The following RNF150 variants were observed in gnomAD, a reference collection of about 807,000 sequenced individuals.
RNF150 encodes ring finger protein 150.
In RNF150, 24 loss-of-function variants were observed where a neutral mutation model predicts 39.3. The observed-to-expected ratio is 0.61, with a 90% confidence interval of 0.44 to 0.86. The LOEUF (loss-of-function observed/expected upper bound fraction) is 0.86. Among genes scored for constraint, RNF150 ranks in the 40% least tolerant of loss-of-function variants. RNF150 has a pLI of 0.00. For missense variants in RNF150, 502 were observed against 587.8 expected (o/e 0.85, Z 1.51); for synonymous variants, 255 against 227.3 (o/e 1.12, Z -1.10).
intron 6 of RNF150, among the ~76,000 whole-genome samples, chr4:140,877,315 G>GC: frequency 6.6e-6 from 1 of 151,596 alleles, no homozygotes; most frequent in East Asian, 1.9e-4. Context: ...GTTGTCAACA[G>GC]TTTTTTTTTA....
intron 1 of RNF150, among the ~76,000 whole-genome samples, chr4:141,122,478 T>G (rs992164039): frequency 6.6e-6 from 1 of 152,226 alleles, no homozygotes; most frequent in African/African-American, 2.4e-5. Context: ...ATCTGAAGAC[T>G]TCATCATACG....
chr4:140,935,251 C>A (rs1218115354), intron 4 of RNF150, among the ~76,000 whole-genome samples: 1 of 151,430 alleles, frequency 6.6e-6, no homozygotes, highest in African/African-American at 2.4e-5. Context: ...TTTTAAACTA[C>A]AATGGAAGAA....
At chr4:141,014,053 T>C (rs1019939878) in intron 1 of RNF150, among the ~76,000 whole-genome samples, 2 of 152,160 alleles carry the variant, frequency 1.3e-5, no homozygotes, top group African/African-American at 4.8e-5. Context: ...AGTTCAACTT[T>C]ATTAGATTCC....
chr4:141,112,470 TCTC>T, intron 1 of RNF150, among the ~76,000 whole-genome samples: 1 of 152,174 alleles, frequency 6.6e-6, no homozygotes, highest in Admixed American at 6.5e-5. Context: ...GATGTTATTT[TCTC>T]CTTTGTTTAT....
At chr4:140,921,657 C>G (rs941234408) in intron 5 of RNF150, among the ~76,000 whole-genome samples, 1 of 152,044 alleles carries the variant, frequency 6.6e-6, no homozygotes, top group African/African-American at 2.4e-5. Flanking sequence ...CTGGCAGAGA[C>G]ACAACCAAAA....
intron 4 of RNF150, among the ~76,000 whole-genome samples, chr4:140,929,358 GTTTTTTTTTTTT>G (rs532514901): frequency 4.8e-4 from 25 of 51,602 alleles, no homozygotes; most frequent in Admixed American, 9.5e-4. Flanking sequence ...TGGATGCTAA[GTTTTTTTTTTTT>G]TTTTTTTTTT....
chr4:140,902,060 A>G (rs1178814484), intron 6 of RNF150, among the ~76,000 whole-genome samples: 1 of 152,210 alleles, frequency 6.6e-6, no homozygotes, highest in Non-Finnish European at 1.5e-5. Context: ...TTGGAGCAAA[A>G]CACTGACAAA....
chr4:141,198,972 T>C (rs1337506914), intron 1 of RNF150, among the ~76,000 whole-genome samples: 10 of 152,212 alleles, frequency 6.6e-5, no homozygotes, highest in Admixed American at 6.5e-4. Flanking sequence ...CAAATCATAT[T>C]ATCTGGCAAA....
At chr4:141,065,344 T>C (rs1357737293) in intron 1 of RNF150, among the ~76,000 whole-genome samples, 1 of 152,172 alleles carries the variant, frequency 6.6e-6, no homozygotes, top group East Asian at 1.9e-4. Context: ...GAGAGAAATG[T>C]ACAATATGAA....
At chr4:141,025,849 G>A (rs1397967525) in intron 1 of RNF150, among the ~76,000 whole-genome samples, 1 of 152,162 alleles carries the variant, frequency 6.6e-6, no homozygotes, top group Non-Finnish European at 1.5e-5. Context: ...CAGACTGAAT[G>A]TTTGTGTCCT....
chr4:141,091,748 C>A (rs1481539156), intron 1 of RNF150, among the ~76,000 whole-genome samples: 2 of 152,112 alleles, frequency 1.3e-5, no homozygotes, highest in African/African-American at 4.8e-5. Flanking sequence ...CAAATACATT[C>A]AATTTCTCAG....
At chr4:141,033,408 A>G (rs1009651579) in intron 1 of RNF150, among the ~76,000 whole-genome samples, 1 of 152,166 alleles carries the variant, frequency 6.6e-6, no homozygotes, top group Non-Finnish European at 1.5e-5. Context: ...ATCTGCAGTG[A>G]CTTCCTCCAC....
chr4:141,061,102 C>T (rs986559994), intron 1 of RNF150, among the ~76,000 whole-genome samples: 2 of 151,272 alleles, frequency 1.3e-5, no homozygotes, highest in African/African-American at 4.9e-5. Context: ...CAAAACTGCA[C>T]GTTCTGCACA....
rs906827056 is a variant in RNF150, at chr4:140,860,504, G to C, written c.*7757C>G. 1 of 152,182 alleles carries C rather than the reference G, an allele frequency of 6.6e-6. No homozygotes were observed. The highest frequency in any genetic ancestry group is 2.4e-5 in the African/African-American group (1 of 41,442). The allele number at this position is 152,182 out of a possible 1,614,324, so 9.4% of individuals were successfully genotyped here. A position where few individuals can be genotyped will look rare whatever the true frequency, so the allele number is the denominator to read the frequency against. ...GGAGAGGATAGACAATGCCGAGATG[G>C]AACCATCATCTACTACCTGCAGACT... On this transcript the variant is annotated 3_prime_UTR_variant, in exon 7 of 7. Coordinates refer to ENST00000515673, the MANE Select transcript of RNF150 (RefSeq NM_020724.2).
At chr4:140,884,808 T>A (rs1436740722) in intron 6 of RNF150, among the ~76,000 whole-genome samples, 3 of 152,142 alleles carry the variant, frequency 2.0e-5, no homozygotes, top group Non-Finnish European at 4.4e-5. Flanking sequence ...CATCCCACTT[T>A]ACAATCATTT....
At chr4:141,119,939 C>T (rs1324608005) in intron 1 of RNF150, among the ~76,000 whole-genome samples, 2 of 152,174 alleles carry the variant, frequency 1.3e-5, no homozygotes, top group Non-Finnish European at 1.5e-5. Flanking sequence ...ACCTTCCATA[C>T]CTTCAATATA....
chr4:140,951,971 T>A (rs1472282876), intron 2 of RNF150, among the ~76,000 whole-genome samples: 1 of 152,182 alleles, frequency 6.6e-6, no homozygotes, highest in Non-Finnish European at 1.5e-5. Context: ...GAAAAATATA[T>A]GTTCATACAA....
At chr4:141,093,212 A>T (rs1403290959) in intron 1 of RNF150, among the ~76,000 whole-genome samples, 1 of 152,100 alleles carries the variant, frequency 6.6e-6, no homozygotes, top group Non-Finnish European at 1.5e-5. Flanking sequence ...TAAATACACG[A>T]AGAATTGGCC....
At chr4:140,925,955 C>T (rs1161214974) in intron 5 of RNF150, 22 bp downstream of exon 5, 13 of 1,510,966 alleles carry the variant, frequency 8.6e-6, no homozygotes, top group South Asian at 5.6e-5. Context: ...CATTATAATG[C>T]TGTAGGCTGT....
Sources: allele counts gnomAD v4.1 joint callset (sites outside exome capture counted in the v4.1 genomes callset), GRCh38; gene constraint gnomAD v4.1.1; transcripts MANE v1.5; gene names NCBI Gene and HGNC (gene_info 2026-07-23, HGNC 2026-07-21).